The following EYA2 variants were observed in gnomAD, a reference collection of about 807,000 sequenced individuals.
EYA2 encodes the protein protein phosphatase EYA2.
EYA2 carries 31 observed loss-of-function variants against 69.2 expected under a neutral mutation model. That is an observed-to-expected ratio of 0.45 (90% CI 0.34 to 0.60). The LOEUF (loss-of-function observed/expected upper bound fraction) is 0.60, where lower values mean the gene tolerates loss of function less well. EYA2 is among the 20% of genes least tolerant of loss of function. The pLI is 0.02. For synonymous variants in EYA2, 257 were observed against 279.4 expected (o/e 0.92, Z 0.80); for missense variants, 622 against 701.2 (o/e 0.89, Z 1.28).
Position 46,963,600 on chromosome 20 carries a change from G to A in EYA2, c.-10-26401G>A, listed in dbSNP as rs6094532. On this transcript the variant is annotated intron_variant, in intron 1 of 15. Coordinates refer to ENST00000327619, the MANE Select transcript of EYA2 (RefSeq NM_005244.5). ...ATACTCACTGGGGATTGTTTTTAAT[G>A]ACAATGTCCAGGCCTTATCCCCAGA... is the stretch of plus-strand genomic sequence containing the variant. Among the ~76,000 whole-genome samples the A allele has an allele frequency of 1.9e-3, 293 of 152,340 alleles. 3 individuals are homozygous for A. The highest frequency in any genetic ancestry group is 6.7e-3 in the African/African-American group (280 of 41,568).
intron 5 of EYA2, among the ~76,000 whole-genome samples, chr20:47,051,626 C>T (rs1233149669): frequency 6.6e-6 from 1 of 152,160 alleles, no homozygotes; most frequent in Non-Finnish European, 1.5e-5. Flanking sequence ...CAACCCGGAC[C>T]CCAGTGTTCC....
At chr20:47,061,549 C>G (rs1243194053) in intron 5 of EYA2, among the ~76,000 whole-genome samples, 3 of 152,076 alleles carry the variant, frequency 2.0e-5, no homozygotes, top group Non-Finnish European at 4.4e-5. Flanking sequence ...AAAAAAATCC[C>G]TCTTAATTCA....
intron 10 of EYA2, among the ~76,000 whole-genome samples, chr20:47,162,399 A>G (rs1194968822): frequency 1.3e-5 from 2 of 151,916 alleles, no homozygotes; most frequent in East Asian, 3.9e-4. Flanking sequence ...TTTAATAAAT[A>G]CTAGTTTCTA....
intron 9 of EYA2, among the ~76,000 whole-genome samples, chr20:47,128,474 C>T (rs1383008380): frequency 6.6e-6 from 1 of 151,648 alleles, no homozygotes; most frequent in East Asian, 1.9e-4. Context: ...TGTCATTAAA[C>T]ATGTTGTTTG....
In EYA2 at chr20:46,986,417, CTA is replaced by C. The variant is rs375276401; in HGVS notation, c.-10-3575_-10-3574del. Among the ~76,000 whole-genome samples, 806 of 139,262 alleles carry C rather than the reference CTA, an allele frequency of 5.8e-3. 10 individuals carry two copies. The highest frequency in any genetic ancestry group is 0.015 in the African/African-American group (547 of 36,956). The allele number at this position is 139,262 out of a possible 152,430, so 91.4% of individuals were successfully genotyped here. ...TATAATATATAGATCTATATAATATCTATATATATAATATATAATATATCTAA... is the reference window on the plus strand; with the variant it reads ...TATAATATATAGATCTATATAATATCTATATATAATATATAATATATCTAA... On this transcript the variant is annotated intron_variant, in intron 1 of 15. Transcript: ENST00000327619.
At chr20:46,947,970 A>T (rs760516968) in intron 1 of EYA2, among the ~76,000 whole-genome samples, 4 of 152,104 alleles carry the variant, frequency 2.6e-5, no homozygotes, top group Non-Finnish European at 5.9e-5. Flanking sequence ...TTTTAAAACT[A>T]GCCTTGCATG....
intron 1 of EYA2, among the ~76,000 whole-genome samples, chr20:46,919,601 G>A (rs946418236): frequency 2.6e-5 from 4 of 152,242 alleles, no homozygotes; most frequent in African/African-American, 4.8e-5. Context: ...TTTGGTGTAT[G>A]GGAATGTTGT....
chr20:47,003,125 T>C (rs1177386292), intron 3 of EYA2, among the ~76,000 whole-genome samples: 5 of 152,124 alleles, frequency 3.3e-5, no homozygotes, highest in Admixed American at 6.5e-5. Context: ...ATAGTTGTGG[T>C]GTCTGGGGGA....
chr20:47,071,977 A>G (rs890245104), intron 5 of EYA2: 5 of 592,160 alleles, frequency 8.4e-6, no homozygotes, highest in Middle Eastern at 9.2e-4. Context: ...TGCTGGTGGT[A>G]GGCGTCACCA....
chr20:47,062,005 T>C (rs1246859465), intron 5 of EYA2, among the ~76,000 whole-genome samples: 4 of 152,190 alleles, frequency 2.6e-5, no homozygotes, highest in Non-Finnish European at 5.9e-5. Flanking sequence ...ATGCCCCAGC[T>C]TGGGCTCCAT....
chr20:47,001,566 T>C, intron 3 of EYA2, 93 bp downstream of exon 3: 1 of 1,326,732 alleles, frequency 7.5e-7, no homozygotes, highest in Non-Finnish European at 1.1e-6. Context: ...GGAGCCAGAT[T>C]CCCTGGATAG....
intron 2 of EYA2, among the ~76,000 whole-genome samples, chr20:46,997,341 G>A (rs1443078458): frequency 6.6e-6 from 1 of 152,156 alleles, no homozygotes; most frequent in East Asian, 1.9e-4. Context: ...TCCAACACTG[G>A]GGATTACACT....
intron 5 of EYA2, among the ~76,000 whole-genome samples, chr20:47,032,947 A>G (rs1246590092): frequency 6.6e-6 from 1 of 152,194 alleles, no homozygotes; most frequent in Admixed American, 6.5e-5. Context: ...CTGTCCCCGT[A>G]TGTGTCTCCC....
intron 1 of EYA2, among the ~76,000 whole-genome samples, chr20:46,919,552 T>C (rs538589032): frequency 9.8e-5 from 15 of 152,372 alleles, no homozygotes; most frequent in Admixed American, 2.0e-4. Context: ...TCAGCTTTCA[T>C]AGAATTGAAG....
intron 1 of EYA2, among the ~76,000 whole-genome samples, chr20:46,911,743 C>T (rs1322353978): frequency 1.3e-5 from 2 of 152,072 alleles, no homozygotes; most frequent in Non-Finnish European, 2.9e-5. Flanking sequence ...AACTGGAAAA[C>T]TCGATCTCGT....
intron 9 of EYA2, among the ~76,000 whole-genome samples, chr20:47,114,864 C>T (rs527937149): frequency 1.3e-5 from 2 of 152,216 alleles, no homozygotes; most frequent in South Asian, 2.1e-4. Flanking sequence ...CACTCTCCCC[C>T]TCTTGCTCCT....
chr20:47,031,188 G>A (rs958331979), intron 5 of EYA2, among the ~76,000 whole-genome samples: 3 of 152,246 alleles, frequency 2.0e-5, no homozygotes, highest in African/African-American at 7.2e-5. Flanking sequence ...GGCTCTCTGA[G>A]GAAGTGACAG....
At chr20:46,937,272 G>A (rs750140) in intron 1 of EYA2, among the ~76,000 whole-genome samples, 46,201 of 152,112 alleles carry the variant, frequency 0.3, 8,801 homozygotes, top group Non-Finnish European at 0.42. Context: ...AATTTACAAG[G>A]ATTTGTTCTG....
chr20:47,110,282 C>T (rs1436933946), intron 9 of EYA2, among the ~76,000 whole-genome samples: 1 of 152,188 alleles, frequency 6.6e-6, no homozygotes, highest in Non-Finnish European at 1.5e-5. Flanking sequence ...CTCACTCTGT[C>T]ACTCGCTGAA....
Sources: gnomAD v4.1 joint callset for allele counts (sites outside exome capture counted in the v4.1 genomes callset) on GRCh38, gnomAD v4.1.1 for gene constraint, MANE v1.5 for transcripts, NCBI Gene and HGNC (gene_info 2026-07-23, HGNC 2026-07-21) for gene names.